Variants in MARCHF5 observed in about 807,000 individuals in gnomAD.
The protein encoded by MARCHF5 is membrane associated ring-CH-type finger 5.
MARCHF5 carries 5 observed loss-of-function variants against 36.5 expected under a neutral mutation model. That is an observed-to-expected ratio of 0.14 (90% confidence interval 0.07 to 0.29). MARCHF5 has a LOEUF of 0.29. Ranked by LOEUF, MARCHF5 falls within the 10% of genes least tolerant of loss-of-function variation. The pLI is 1.00. For synonymous variants in MARCHF5, 103 were observed against 109.9 expected, an observed-to-expected ratio of 0.94 and a Z score of 0.39; for missense variants, 179 against 336.3, an observed-to-expected ratio of 0.53 and a Z score of 3.66.
chr10:92,301,829 CA>C (rs1843016000), intron 1 of MARCHF5, among the ~76,000 whole-genome samples: 1 of 152,150 alleles, frequency 6.6e-6, no homozygotes, highest in Non-Finnish European at 1.5e-5. Flanking sequence ...GAGCCTGAGG[CA>C]GGCGGATCAT....
chr10:92,309,563 C>T (rs903293001), intron 1 of MARCHF5, among the ~76,000 whole-genome samples: 1 of 152,170 alleles, frequency 6.6e-6, no homozygotes, highest in Admixed American at 6.5e-5. Flanking sequence ...TAAAATGATA[C>T]ATTCCATTTC....
chr10:92,322,102 G>A lies in MARCHF5; in HGVS notation c.238+10765G>A, dbSNP rs143048232. Among the ~76,000 whole-genome samples the A allele has an allele frequency of 9.2e-3, 1,397 of 151,408 alleles. 21 individuals carry two copies. Among genetic ancestry groups the A allele is most frequent in the African/African-American group, 0.032 (1,333 of 41,090 alleles). On this transcript the variant is annotated intron_variant, in intron 2 of 5. Transcript: ENST00000358935. ...TCTACTAAAAATATAAAATTAGCCG[G>A]GCATGGTGGCGGGCACCTATAATCC...
intron 1 of MARCHF5, among the ~76,000 whole-genome samples, chr10:92,295,878 A>T (rs1003224905): frequency 2.1e-5 from 3 of 144,458 alleles, no homozygotes; most frequent in Non-Finnish European, 4.6e-5. Context: ...TATATATGGA[A>T]TTTTTTTTTT....
At position 92,340,785 on chromosome 10, in the gene MARCHF5, A is replaced by T. The variant is rs779688661; in HGVS notation, c.351A>T (p.Gly117=). The change falls in exon 3 of 6, where the codon GGA becomes GGT. Residue 117 remains glycine, a synonymous_variant. Coordinates refer to ENST00000358935, the MANE Select transcript of MARCHF5 (RefSeq NM_017824.5). ...GSIYWTAVTY[G]AVTVMQVVGH... is the part of the protein sequence containing the mutation. ...TCTATTGGACAGCTGTGACTTATGG[A>T]GCAGTGACAGTGATGCAGGTTCACT... The T allele has an allele frequency of 3.7e-6, 6 of 1,611,648 alleles. No individual in the cohort carries two copies. The Admixed American group carries it at 1.0e-4, about 27-fold the overall frequency.
intron 1 of MARCHF5, among the ~76,000 whole-genome samples, chr10:92,301,100 T>G (rs1024489678): frequency 6.6e-6 from 1 of 152,132 alleles, no homozygotes; most frequent in African/African-American, 2.4e-5. Context: ...TTGGCCAGGC[T>G]GGCCTTGAAC....
intron 2 of MARCHF5, among the ~76,000 whole-genome samples, chr10:92,326,224 A>G (rs545359554): frequency 1.3e-5 from 2 of 152,180 alleles, no homozygotes; most frequent in Non-Finnish European, 2.9e-5. Flanking sequence ...ATCAATAGCT[A>G]TCATTTGCTA....
intron 2 of MARCHF5, among the ~76,000 whole-genome samples, chr10:92,337,976 C>A (rs1843525274): frequency 6.6e-6 from 1 of 151,286 alleles, no homozygotes; most frequent in South Asian, 2.1e-4. Flanking sequence ...GAGTTCCAGA[C>A]CAGCCTGGGC....
At position 92,314,753 on chromosome 10, in the gene MARCHF5, C is replaced by A. The variant is rs1056517080; in HGVS notation, c.238+3416C>A. On this transcript the variant is annotated intron_variant, in intron 2 of 5. Coordinates refer to ENST00000358935, the MANE Select transcript of MARCHF5 (RefSeq NM_017824.5). ...TGCTGCTGCTGCTTCCCCCCGCCCC[C>A]CCCCGCCAATAGAGGTTGGGTCTTG... 4.1e-4 allele frequency among the ~76,000 whole-genome samples: 51 copies of A among 123,962 alleles called. 4 individuals carry two copies. The highest frequency in any genetic ancestry group is 3.8e-3 in the South Asian group (14 of 3,656). The allele number at this position is 123,962 out of a possible 152,430, so 81.3% of individuals were successfully genotyped here. A position where few individuals can be genotyped will look rare whatever the true frequency, so the allele number is the denominator to read the frequency against.
At chr10:92,322,070 C>G (rs906916768) in intron 2 of MARCHF5, among the ~76,000 whole-genome samples, 3 of 151,416 alleles carry the variant, frequency 2.0e-5, no homozygotes, top group African/African-American at 7.3e-5. Context: ...CATGGAAAAA[C>G]CCCGTCTCTA....
At chr10:92,302,353 T>C (rs1843025487) in intron 1 of MARCHF5, among the ~76,000 whole-genome samples, 1 of 152,222 alleles carries the variant, frequency 6.6e-6, no homozygotes, top group African/African-American at 2.4e-5. Context: ...TTAGTCTCCC[T>C]AATAGTGTGC....
intron 3 of MARCHF5, among the ~76,000 whole-genome samples, chr10:92,347,860 A>G (rs1209795782): frequency 1.3e-5 from 2 of 152,164 alleles, no homozygotes; most frequent in Admixed American, 1.3e-4. Context: ...TCCATAGCTC[A>G]AATTTGGTCC....
At chr10:92,340,532 A>G in intron 2 of MARCHF5, 141 bp from the exon 3 acceptor site, 1 of 703,194 alleles carries the variant, frequency 1.4e-6, no homozygotes, top group Admixed American at 3.1e-5. Flanking sequence ...TGATCATGCC[A>G]CTGCACTATA....
chr10:92,328,822 T>TATATATA (rs1491512830), intron 2 of MARCHF5, among the ~76,000 whole-genome samples: 4 of 52,768 alleles, frequency 7.6e-5, no homozygotes, highest in Admixed American at 1.8e-4. Flanking sequence ...TATATATATA[T>TATATATA]TTTTTTTTTT....
intron 2 of MARCHF5, among the ~76,000 whole-genome samples, chr10:92,338,467 A>G (rs1294441628): frequency 6.6e-6 from 1 of 152,228 alleles, no homozygotes; most frequent in Non-Finnish European, 1.5e-5. Context: ...ACTATTTATT[A>G]GAGGATATAG....
chr10:92,343,532 AAC>A (rs1843605012), intron 3 of MARCHF5, among the ~76,000 whole-genome samples: 1 of 152,170 alleles, frequency 6.6e-6, no homozygotes, highest in African/African-American at 2.4e-5. Flanking sequence ...CATAGAAACT[AAC>A]ACATTAAAGG....
At chr10:92,314,288 T>C (rs915573176) in intron 2 of MARCHF5, among the ~76,000 whole-genome samples, 6 of 152,212 alleles carry the variant, frequency 3.9e-5, no homozygotes, top group Non-Finnish European at 8.8e-5. Flanking sequence ...CATAGAGGTA[T>C]GGCACTTGAG....
intron 2 of MARCHF5, among the ~76,000 whole-genome samples, chr10:92,321,324 A>G (rs1052044883): frequency 1.4e-4 from 21 of 152,046 alleles, no homozygotes; most frequent in South Asian, 2.1e-4. Flanking sequence ...GTCATGAAAA[A>G]GTGTTGGGTT....
chr10:92,297,431 A>C (rs532814381), intron 1 of MARCHF5, among the ~76,000 whole-genome samples: 12 of 151,336 alleles, frequency 7.9e-5, no homozygotes, highest in Admixed American at 6.6e-4. Flanking sequence ...CGGCCTCCCA[A>C]AGCTCCCAAA....
chr10:92,291,266 G>C lies in MARCHF5; in HGVS notation c.-229G>C. 1 of 539,306 alleles carries C rather than the reference G, an allele frequency of 1.9e-6. No homozygotes were observed. The highest frequency in any genetic ancestry group is 2.3e-5 in the South Asian group (1 of 42,934). 33.4% of individuals were successfully genotyped at this position (539,306 alleles called of 1,614,324 possible). On this transcript the variant is annotated 5_prime_UTR_variant, in exon 1 of 6. Transcript: ENST00000358935. ...GACGGGAACCCGGGCCGCGATCGCC[G>C]CCTCCCCGCCTCAGGCTCCTCCTCC...
Sources: allele counts gnomAD v4.1 joint callset (sites outside exome capture counted in the v4.1 genomes callset), GRCh38; gene constraint gnomAD v4.1.1; transcripts MANE v1.5; gene names NCBI Gene and HGNC (gene_info 2026-07-23, HGNC 2026-07-21).